SLC22A23: variants seen among roughly 807,000 people sequenced by gnomAD.
SLC22A23 encodes the protein ion transporter protein.
SLC22A23 carries 26 observed loss-of-function variants against 61.0 expected under a neutral mutation model. The ratio of observed to expected loss-of-function variants is 0.43; its 90% CI spans 0.31 to 0.59. The LOEUF (loss-of-function observed/expected upper bound fraction) is 0.59, where lower values mean the gene tolerates loss of function less well. Ranked by LOEUF, SLC22A23 falls within the 20% of genes least tolerant of loss-of-function variation. The pLI is 0.11. For missense variants in SLC22A23, 796 were observed against 934.7 expected, an observed-to-expected ratio of 0.85 and a Z score of 1.94; for synonymous variants, 430 against 413.9, an observed-to-expected ratio of 1.04 and a Z score of -0.47.
In SLC22A23 at chr6:3,386,815, A is replaced by G. The variant is rs576435671; in HGVS notation, c.913+23373T>C. On this transcript the variant is annotated intron_variant, in intron 3 of 9. Coordinates refer to ENST00000406686, the MANE Select transcript of SLC22A23 (RefSeq NM_015482.2). The surrounding 1 kb of genome is among the most constrained non-coding windows in gnomAD (Gnocchi z 4.4). ...AGTCTGCATACTCTGATGCTGACAC[A>G]CGGACCTGGCAGCAACATGGGGAAC... 2.0e-5 allele frequency among the ~76,000 whole-genome samples: 3 copies of G among 152,326 alleles called. No homozygotes were observed. Among genetic ancestry groups the G allele is most frequent in the Admixed American group, 2.0e-4 (3 of 15,306 alleles).
intron 3 of SLC22A23, among the ~76,000 whole-genome samples, chr6:3,350,789 G>C (rs1764722350): frequency 2.0e-5 from 3 of 152,090 alleles, no homozygotes; most frequent in Admixed American, 6.5e-5. Flanking sequence ...TTCCTCAAGG[G>C]AGACGGAGTT....
chr6:3,432,992 T>C (rs73720902), intron 1 of SLC22A23, among the ~76,000 whole-genome samples: 5,185 of 152,324 alleles, frequency 0.034, 315 homozygotes, highest in African/African-American at 0.12. Context: ...AGCTGGGGCT[T>C]TGTGGCTCTT....
At chr6:3,306,216 T>C (rs960170443) in intron 4 of SLC22A23, among the ~76,000 whole-genome samples, 7 of 152,120 alleles carry the variant, frequency 4.6e-5, no homozygotes, top group Non-Finnish European at 2.9e-5. Context: ...AGCTCACTCA[T>C]TACCGTGGGG....
intron 1 of SLC22A23, among the ~76,000 whole-genome samples, chr6:3,455,244 C>T (rs1326125757): frequency 2.0e-5 from 3 of 152,232 alleles, no homozygotes; most frequent in Admixed American, 1.3e-4. Context: ...TGCCTCAGCC[C>T]AAAGCAGCTG....
chr6:3,352,017 G>A (rs1423923407), intron 3 of SLC22A23, among the ~76,000 whole-genome samples: 8 of 152,160 alleles, frequency 5.3e-5, no homozygotes, highest in Non-Finnish European at 1.0e-4. Flanking sequence ...AGGCTGCTCC[G>A]TTTCTGAAAT....
rs983174142 is a variant in SLC22A23 at position 3,309,968 on chromosome 6, C to G, written c.1083-11750G>C. Among the ~76,000 whole-genome samples, 1 of 152,174 alleles carries G rather than the reference C, an allele frequency of 6.6e-6. No homozygotes were observed. Among genetic ancestry groups the G allele is most frequent in the African/African-American group, 2.4e-5 (1 of 41,438 alleles). On this transcript the variant is annotated intron_variant, in intron 4 of 9. Transcript: ENST00000406686. This position sits in a 1 kb window ranked among gnomAD's most constrained non-coding sequence, Gnocchi z 4.7. ...ACCTGTGGAGTTTTCCTACATCACACCATGATTGCAGTATTGCTTCTACAG... is the reference window on the plus strand; with the variant it reads ...ACCTGTGGAGTTTTCCTACATCACAGCATGATTGCAGTATTGCTTCTACAG...
chr6:3,306,080 A>T (rs1222779922), intron 4 of SLC22A23, among the ~76,000 whole-genome samples: 2 of 152,212 alleles, frequency 1.3e-5, no homozygotes, highest in East Asian at 3.8e-4. Flanking sequence ...GTGAGGCCTC[A>T]GGAAGCTTTT....
intron 3 of SLC22A23, among the ~76,000 whole-genome samples, chr6:3,404,627 AC>A (rs1371400667): frequency 6.6e-6 from 1 of 152,084 alleles, no homozygotes; most frequent in Non-Finnish European, 1.5e-5. Context: ...CTGACCCATG[AC>A]CAGTGGCCCT....
chr6:3,312,410 G>C (rs549332550), intron 4 of SLC22A23: 1 of 152,288 alleles, frequency 6.6e-6, no homozygotes, highest in Admixed American at 6.5e-5. Context: ...TAAAAAGTCT[G>C]ATGTTGTAAA....
intron 5 of SLC22A23, among the ~76,000 whole-genome samples, chr6:3,295,570 G>A (rs1401679373): frequency 6.6e-6 from 1 of 152,212 alleles, no homozygotes; most frequent in Non-Finnish European, 1.5e-5. Flanking sequence ...CCAGCCAGCC[G>A]GCCAGGGCGC....
intron 5 of SLC22A23, among the ~76,000 whole-genome samples, chr6:3,296,944 C>T (rs1429708229): frequency 2.0e-5 from 3 of 152,348 alleles, no homozygotes; most frequent in Non-Finnish European, 2.9e-5. Context: ...AAATGGATAC[C>T]TGCAGGGCAC....
intron 3 of SLC22A23, among the ~76,000 whole-genome samples, chr6:3,402,849 A>G (rs1046775056): frequency 6.6e-6 from 1 of 152,256 alleles, no homozygotes; most frequent in African/African-American, 2.4e-5. Context: ...TATGTAATCA[A>G]GGAACCAACT....
chr6:3,445,054 C>T (rs1259593110), intron 1 of SLC22A23: 9 of 860,076 alleles, frequency 1.0e-5, no homozygotes, highest in African/African-American at 7.3e-5. Flanking sequence ...CAGTGTTCTG[C>T]GTCTGTCCTC....
intron 4 of SLC22A23, among the ~76,000 whole-genome samples, chr6:3,321,393 C>CAT (rs1388184395): frequency 6.6e-6 from 1 of 151,076 alleles, no homozygotes; most frequent in Non-Finnish European, 1.5e-5. Flanking sequence ...CATGCACACA[C>CAT]GTACACATAC....
chr6:3,435,284 C>T lies in SLC22A23; in HGVS notation c.655-19429G>A, dbSNP rs73723005. Among the ~76,000 whole-genome samples, 873 of 151,966 alleles carry T rather than the reference C, an allele frequency of 5.7e-3. 11 individuals carry two copies. Among genetic ancestry groups the T allele is most frequent in the African/African-American group, 0.02 (834 of 41,436 alleles). On this transcript the variant is annotated intron_variant, in intron 1 of 9. Transcript: ENST00000406686. Reference sequence around the variant, plus strand: ...ACCTGCAGCAATGAACTCTTCCTCCCCTCCCTTCCCTCTCCCTTCCTCATC... The same window carrying T: ...ACCTGCAGCAATGAACTCTTCCTCCTCTCCCTTCCCTCTCCCTTCCTCATC...
chr6:3,350,187 A>G (rs572810943), intron 3 of SLC22A23, among the ~76,000 whole-genome samples: 1 of 152,348 alleles, frequency 6.6e-6, no homozygotes, highest in East Asian at 1.9e-4. Context: ...TTCTTTAAAA[A>G]TGCTGGGCAG....
In SLC22A23 at chr6:3,440,708, GA is replaced by G. The variant is rs1193698817; in HGVS notation, c.654+15197del. On this transcript the variant is annotated intron_variant, in intron 1 of 9. Transcript: ENST00000406686. ...GGCAACAGAGCAAGACTCCGTCTCA[GA>G]AAAAAAAAAAAAAAGAAGAGGAGAT... is the stretch of plus-strand genomic sequence containing the variant. Among the ~76,000 whole-genome samples, 310 of 76,212 alleles carry G rather than the reference GA, an allele frequency of 4.1e-3. 2 individuals are homozygous for G. The highest frequency in any genetic ancestry group is 6.0e-3 in the Non-Finnish European group (194 of 32,222). The allele number at this position is 76,212 out of a possible 152,430, so 50.0% of individuals were successfully genotyped here. A position where few individuals can be genotyped will look rare whatever the true frequency, so the allele number is the denominator to read the frequency against.
chr6:3,339,825 G>A (rs1401813414), intron 3 of SLC22A23, among the ~76,000 whole-genome samples: 6 of 152,140 alleles, frequency 3.9e-5, no homozygotes, highest in East Asian at 3.8e-4. Context: ...CAGCTTTTGC[G>A]GCTGCTCTGT....
At chr6:3,400,858 T>C (rs1768338235) in intron 3 of SLC22A23, among the ~76,000 whole-genome samples, 1 of 152,374 alleles carries the variant, frequency 6.6e-6, no homozygotes, top group Non-Finnish European at 1.5e-5. Flanking sequence ...TTGTACTAAA[T>C]GTAACTGAAT....
Sources: gnomAD v4.1 joint callset for allele counts (sites outside exome capture counted in the v4.1 genomes callset) on GRCh38, gnomAD v4.1.1 for gene constraint, Gnocchi (gnomAD v3.1) non-coding constraint, MANE v1.5 for transcripts, NCBI Gene and HGNC (gene_info 2026-07-23, HGNC 2026-07-21) for gene names.